The following BICRAL variants were observed in gnomAD, a reference collection of about 807,000 sequenced individuals.
BICRAL encodes BICRA like chromatin remodeling complex associated protein.
Under a neutral mutation model 91.8 loss-of-function variants are expected in BICRAL, and 8 were observed. The ratio of observed to expected loss-of-function variants is 0.09; its 90% confidence interval spans 0.05 to 0.16. The LOEUF is 0.16. BICRAL is among the 10% of genes least tolerant of loss of function. The pLI, the probability that BICRAL is intolerant of heterozygous loss-of-function variation, is 1.00. For synonymous variants in BICRAL, 445 were observed against 491.1 expected (o/e 0.91, Z 1.24); for missense variants, 1,038 against 1,310.9 (o/e 0.79, Z 3.21).
intron 1 of BICRAL, among the ~76,000 whole-genome samples, chr6:42,793,122 ATTTTTTTTTTTTTTTTTT>A (rs1159342197): frequency 6.4e-4 from 24 of 37,254 alleles, no homozygotes; most frequent in South Asian, 5.4e-3. Flanking sequence ...TGCCCAGCTA[ATTTTTTTTTTTTTTTTTT>A]TTTTTTTTTT....
chr6:42,814,025 C>A (rs961054176), intron 2 of BICRAL, among the ~76,000 whole-genome samples: 1 of 151,730 alleles, frequency 6.6e-6, no homozygotes, highest in Non-Finnish European at 1.5e-5. Context: ...TCAATAGGTC[C>A]GGGGGTAAAA....
chr6:42,830,753 C>G (rs1321891540), intron 6 of BICRAL, among the ~76,000 whole-genome samples: 1 of 152,052 alleles, frequency 6.6e-6, no homozygotes, highest in East Asian at 1.9e-4. Flanking sequence ...GTAGCTGTGA[C>G]TACAAGCACA....
chr6:42,761,122 TGTA>T lies in BICRAL; in HGVS notation c.-261+14102_-261+14104del, dbSNP rs528078882. Among the ~76,000 whole-genome samples the T allele has an allele frequency of 1.1e-4, 16 of 152,272 alleles. No individual in the cohort carries two copies. In the East Asian group the frequency reaches 2.9e-3, roughly 28 times the overall value. On this transcript the variant is annotated intron_variant, in intron 1 of 14. Coordinates refer to the BICRAL transcript ENST00000614467. ...CTCACGTCTCTTCCTATCAGTGAGA[TGTA>T]GTGGTGCTAATAAGTGAACAGATCT...
chr6:42,845,195 G>GT (rs748804344), intron 6 of BICRAL, among the ~76,000 whole-genome samples: 3 of 25,602 alleles, frequency 1.2e-4, no homozygotes, highest in South Asian at 1.8e-3. Flanking sequence ...TTTTTTGGGT[G>GT]TTTTTTTTTT....
intron 6 of BICRAL, among the ~76,000 whole-genome samples, chr6:42,848,493 T>C (rs886479967): frequency 3.3e-5 from 5 of 152,256 alleles, no homozygotes; most frequent in Non-Finnish European, 7.3e-5. Context: ...TCTTTCAATC[T>C]TTTATATTGT....
chr6:42,855,339 G>A (rs188867915), intron 8 of BICRAL, among the ~76,000 whole-genome samples: 2 of 152,260 alleles, frequency 1.3e-5, no homozygotes, highest in East Asian at 3.9e-4. Context: ...CCAGGAGTTC[G>A]AGACAAGCCT....
At chr6:42,764,550 AAG>A (rs952777317) in intron 1 of BICRAL, among the ~76,000 whole-genome samples, 9 of 148,738 alleles carry the variant, frequency 6.1e-5, no homozygotes, top group African/African-American at 1.6e-4. Flanking sequence ...AAAAAAAAAA[AAG>A]AGTTTTGTGT....
At chr6:42,832,367 T>TA (rs1282641418) in intron 6 of BICRAL, among the ~76,000 whole-genome samples, 12 of 146,774 alleles carry the variant, frequency 8.2e-5, no homozygotes, top group African/African-American at 3.0e-4. Flanking sequence ...AGTATATATA[T>TA]TATATATATA....
At chr6:42,783,774 T>A (rs1763013196) in intron 1 of BICRAL, among the ~76,000 whole-genome samples, 1 of 152,228 alleles carries the variant, frequency 6.6e-6, no homozygotes, top group Non-Finnish European at 1.5e-5. Flanking sequence ...GCCTCGCGGC[T>A]GATGGGTTCC....
At chr6:42,788,750 G>A (rs1344336333) in intron 1 of BICRAL, among the ~76,000 whole-genome samples, 17 of 152,178 alleles carry the variant, frequency 1.1e-4, no homozygotes. Flanking sequence ...AGGAAAGATG[G>A]ACACTTCACC....
intron 6 of BICRAL, among the ~76,000 whole-genome samples, chr6:42,835,617 T>C (rs1764615452): frequency 6.6e-6 from 1 of 152,170 alleles, no homozygotes; most frequent in Non-Finnish European, 1.5e-5. Context: ...CCTAAGTGTT[T>C]ACAGTCAACA....
chr6:42,821,411 ATTGT>A (rs1764132896), intron 2 of BICRAL, among the ~76,000 whole-genome samples: 1 of 152,082 alleles, frequency 6.6e-6, no homozygotes, highest in Non-Finnish European at 1.5e-5. Context: ...TAGGATGTAG[ATTGT>A]TTGGAGTTGA....
chr6:42,835,650 G>GGGCT (rs1764616682), intron 6 of BICRAL, among the ~76,000 whole-genome samples: 1 of 152,114 alleles, frequency 6.6e-6, no homozygotes, highest in Admixed American at 6.6e-5. Flanking sequence ...AAGTTACTTG[G>GGGCT]GGCTGGTTGC....
intron 10 of BICRAL, 61 bp from the exon 11 acceptor site, chr6:42,860,201 C>T (rs1765511182): frequency 2.1e-6 from 2 of 947,994 alleles, no homozygotes; most frequent in African/African-American, 1.6e-5. Context: ...TCTTAAGAAA[C>T]AGAAGACCTA....
chr6:42,852,203 G>A lies in BICRAL; in HGVS notation c.1945+6G>A, dbSNP rs377211321. 9.2e-5 allele frequency: 144 copies of A among 1,567,582 alleles called. No individual in the cohort carries two copies. Among genetic ancestry groups the A allele is most frequent in the Non-Finnish European group, 1.2e-4 (136 of 1,137,726 alleles). On this transcript the variant is annotated splice_donor_region_variant and intron_variant, in intron 7 of 12. Transcript: ENST00000314073. The stretch of plus-strand genomic sequence containing the variant: ...CTTGAGCACCACACTGCCAGGTCAG[G>A]AGCTTCCTCAGTTTGTCCCTGTCCT...
chr6:42,784,014 T>G (rs922685181), intron 1 of BICRAL, among the ~76,000 whole-genome samples: 2 of 152,222 alleles, frequency 1.3e-5, no homozygotes, highest in South Asian at 4.1e-4. Flanking sequence ...TCCGGTAGCA[T>G]GGTTCTCTGT....
rs1765691655 is a variant in BICRAL, at chr6:42,865,607, CTTTG to C, written c.*165_*168del. Reference sequence around the variant, plus strand: ...TATTCTTTCTAATCTCAATCCTGTTCTTTGTTTAAGAGCAATACTTGTCGTGATT... The same window carrying C: ...TATTCTTTCTAATCTCAATCCTGTTCTTTAAGAGCAATACTTGTCGTGATT... On this transcript the variant is annotated 3_prime_UTR_variant, in exon 13 of 13. Coordinates refer to ENST00000314073, the MANE Select transcript of BICRAL (RefSeq NM_001393499.1). The C allele has an allele frequency of 1.7e-6, 1 of 598,894 alleles. No homozygotes were observed. The highest frequency in any genetic ancestry group is 1.9e-5 in the African/African-American group (1 of 53,760). The allele number at this position is 598,894 out of a possible 1,614,324, so 37.1% of individuals were successfully genotyped here.
At chr6:42,858,710 G>A (rs933831808) in intron 10 of BICRAL, among the ~76,000 whole-genome samples, 2 of 151,876 alleles carry the variant, frequency 1.3e-5, no homozygotes, top group Admixed American at 6.6e-5. Context: ...CCAGCTACTC[G>A]GGAGGCTGAG....
At chr6:42,823,056 C>T (rs1460176217) in intron 5 of BICRAL, 53 bp downstream of exon 5, 1 of 1,034,112 alleles carries the variant, frequency 9.7e-7, no homozygotes, top group Non-Finnish European at 1.5e-6. Context: ...CTGATTGATG[C>T]CTTGTGAACT....
Sources: gnomAD v4.1 joint callset for allele counts (sites outside exome capture counted in the v4.1 genomes callset) on GRCh38, gnomAD v4.1.1 for gene constraint, MANE v1.5 for transcripts, NCBI Gene and HGNC (gene_info 2026-07-23, HGNC 2026-07-21) for gene names.